NEGR1: variants seen among roughly 807,000 people sequenced by gnomAD.
The protein encoded by NEGR1 is IgLON family member 4.
Under a neutral mutation model 40.9 loss-of-function variants are expected in NEGR1, and 10 were observed. The ratio of observed to expected loss-of-function variants is 0.24; its 90% CI spans 0.15 to 0.42. The LOEUF is 0.42. NEGR1 is among the 10% of genes least tolerant of loss of function. NEGR1 has a pLI of 1.00. For missense variants in NEGR1, 352 were observed against 438.9 expected, an observed-to-expected ratio of 0.80 and a Z score of 1.77; for synonymous variants, 185 against 166.8, an observed-to-expected ratio of 1.11 and a Z score of -0.84.
Position 71,824,849 on chromosome 1 carries a change from G to A in NEGR1, c.410-48552C>T, listed in dbSNP as rs993791369. On this transcript the variant is annotated intron_variant, in intron 2 of 6. Coordinates refer to ENST00000357731, the MANE Select transcript of NEGR1 (RefSeq NM_173808.3). ...CGTTGATTTATTCTTAGTTATTACT[G>A]ATTATATAATAGTCCAATACCTGAA... Among the ~76,000 whole-genome samples the A allele has an allele frequency of 2.6e-5, 4 of 151,994 alleles. No homozygotes were observed. In the East Asian group the frequency reaches 5.8e-4, roughly 22 times the overall value.
In NEGR1 at chr1:71,578,452, G is replaced by A. The variant is rs1010715630; in HGVS notation, c.940+14365C>T. ...TTTATGGGGTGATTTCCAGGTCACT[G>A]AAATCAGTTTTAATATTTATTAATC... is the stretch of plus-strand genomic sequence containing the variant. On this transcript the variant is annotated intron_variant, in intron 6 of 6. Coordinates refer to ENST00000357731, the MANE Select transcript of NEGR1 (RefSeq NM_173808.3). Among the ~76,000 whole-genome samples, 51 of 152,028 alleles carry A rather than the reference G, an allele frequency of 3.4e-4. 1 individual carries two copies. Among genetic ancestry groups the A allele is most frequent in the African/African-American group, 1.2e-3 (49 of 41,520 alleles).
In NEGR1 at chr1:72,153,417, T is replaced by C. The variant is rs1004470664; in HGVS notation, c.176+128902A>G. 2.6e-5 allele frequency among the ~76,000 whole-genome samples: 4 copies of C among 151,940 alleles called. No homozygotes were observed. In the South Asian group the frequency reaches 8.3e-4, roughly 31 times the overall value. On this transcript the variant is annotated intron_variant, in intron 1 of 6. Coordinates refer to ENST00000357731, the MANE Select transcript of NEGR1 (RefSeq NM_173808.3). The stretch of plus-strand genomic sequence containing the variant: ...TTTCCAAACTGTATCATGATAGCAG[T>C]ATTTTTTAAATACAAAGACCCAAGT...
At chr1:71,622,083 A>T (rs1420718207) in intron 4 of NEGR1, among the ~76,000 whole-genome samples, 2 of 151,976 alleles carry the variant, frequency 1.3e-5, no homozygotes, top group Non-Finnish European at 2.9e-5. Context: ...GTAGTCAGCA[A>T]TGCTCACTCC....
intron 2 of NEGR1, among the ~76,000 whole-genome samples, chr1:71,894,681 A>G (rs903627379): frequency 6.6e-6 from 1 of 152,242 alleles, no homozygotes; most frequent in African/African-American, 2.4e-5. Context: ...TAACTTCATA[A>G]CACGCTAACT....
intron 1 of NEGR1, among the ~76,000 whole-genome samples, chr1:71,938,332 T>C (rs1420768942): frequency 1.3e-5 from 2 of 151,236 alleles, no homozygotes; most frequent in South Asian, 2.1e-4. Flanking sequence ...AGGTCTAGTA[T>C]GAGATGACTA....
At chr1:71,698,437 T>C (rs1028598349) in intron 3 of NEGR1, among the ~76,000 whole-genome samples, 2 of 151,852 alleles carry the variant, frequency 1.3e-5, no homozygotes, top group African/African-American at 2.4e-5. Flanking sequence ...ATTTCTGTAA[T>C]TGAGTTCAAC....
intron 4 of NEGR1, among the ~76,000 whole-genome samples, chr1:71,676,694 C>T (rs1652651344): frequency 6.6e-6 from 1 of 152,166 alleles, no homozygotes; most frequent in Non-Finnish European, 1.5e-5. Context: ...GCTTACTACT[C>T]TTTTCTTGTC....
chr1:72,187,221 T>C (rs1426124866), intron 1 of NEGR1, among the ~76,000 whole-genome samples: 1 of 151,494 alleles, frequency 6.6e-6, no homozygotes, highest in Non-Finnish European at 1.5e-5. Flanking sequence ...CTTCCCTCTA[T>C]AAAGCTCAGC....
intron 4 of NEGR1, among the ~76,000 whole-genome samples, chr1:71,649,412 G>A (rs1286480417): frequency 2.6e-5 from 4 of 151,998 alleles, no homozygotes; most frequent in Non-Finnish European, 5.9e-5. Flanking sequence ...TATCATCACA[G>A]CATTATTATA....
intron 1 of NEGR1, among the ~76,000 whole-genome samples, chr1:72,097,180 T>G (rs1290038774): frequency 6.6e-6 from 1 of 152,208 alleles, no homozygotes; most frequent in Admixed American, 6.5e-5. Context: ...AGGCTGGGTT[T>G]GAAACCCACT....
At chr1:71,975,965 A>G (rs2100328308) in intron 1 of NEGR1, among the ~76,000 whole-genome samples, 2 of 152,352 alleles carry the variant, frequency 1.3e-5, no homozygotes, top group East Asian at 3.9e-4. Flanking sequence ...TCCTGAGTGC[A>G]GAGCTTTAGA....
At chr1:71,786,928 T>C (rs1235812914) in intron 2 of NEGR1, among the ~76,000 whole-genome samples, 1 of 152,264 alleles carries the variant, frequency 6.6e-6, no homozygotes. Flanking sequence ...CTTGGAGTTC[T>C]AGCCCACTGT....
intron 1 of NEGR1, among the ~76,000 whole-genome samples, chr1:72,169,337 C>T (rs1203490204): frequency 6.6e-6 from 1 of 152,098 alleles, no homozygotes; most frequent in African/African-American, 2.4e-5. Flanking sequence ...ACTTTCAGCA[C>T]ATTCTATTAG....
chr1:71,594,312 A>C (rs1270554050), intron 5 of NEGR1, among the ~76,000 whole-genome samples: 1 of 152,146 alleles, frequency 6.6e-6, no homozygotes, highest in Non-Finnish European at 1.5e-5. Context: ...TAATGTGTTC[A>C]AGTTTTTGTA....
intron 1 of NEGR1, among the ~76,000 whole-genome samples, chr1:72,153,963 G>T (rs920260512): frequency 8.6e-5 from 13 of 151,358 alleles, no homozygotes; most frequent in African/African-American, 2.9e-4. Flanking sequence ...TGGTACTCTC[G>T]GTGAAATAAG....
chr1:71,784,004 G>T (rs1656817332), intron 2 of NEGR1, among the ~76,000 whole-genome samples: 1 of 152,092 alleles, frequency 6.6e-6, no homozygotes, highest in Non-Finnish European at 1.5e-5. Flanking sequence ...TATTCCCAAG[G>T]TGTATTGGGA....
chr1:71,605,246 T>C (rs969179319), intron 5 of NEGR1, among the ~76,000 whole-genome samples: 1 of 152,194 alleles, frequency 6.6e-6, no homozygotes, highest in Admixed American at 6.5e-5. Context: ...TATAATGTAG[T>C]GTTTTTATAT....
chr1:71,942,483 A>AT (rs1162818244), intron 1 of NEGR1, among the ~76,000 whole-genome samples: 4 of 18,612 alleles, frequency 2.1e-4, no homozygotes, highest in African/African-American at 3.8e-4. Flanking sequence ...ATATATATAT[A>AT]TTTTTTTTTT....
intron 2 of NEGR1, among the ~76,000 whole-genome samples, chr1:71,877,633 G>T (rs1262353268): frequency 6.6e-6 from 1 of 152,088 alleles, no homozygotes; most frequent in Non-Finnish European, 1.5e-5. Context: ...GGACTTTAAC[G>T]TATGAATTTT....
Sources: allele counts gnomAD v4.1 joint callset (sites outside exome capture counted in the v4.1 genomes callset), GRCh38; gene constraint gnomAD v4.1.1; transcripts MANE v1.5; gene names NCBI Gene and HGNC (gene_info 2026-07-23, HGNC 2026-07-21).